The following PI4KB variants were observed in gnomAD, a reference collection of about 807,000 sequenced individuals.
The protein encoded by PI4KB is phosphatidylinositol 4-kinase beta, also known as PtdIns 4-kinase beta.
Under a neutral mutation model 81.4 loss-of-function variants are expected in PI4KB, and 23 were observed. The observed-to-expected ratio is 0.28, with a 90% CI of 0.20 to 0.40. PI4KB has a LOEUF of 0.40. Ranked by LOEUF, PI4KB falls within the 10% of genes least tolerant of loss-of-function variation. The probability of loss-of-function intolerance (pLI) is 1.00; values close to 1 mark genes in which losing one functional copy is unlikely to be tolerated. For missense variants in PI4KB, 651 were observed against 1,036.6 expected, an observed-to-expected ratio of 0.63 and a Z score of 5.11; for synonymous variants, 381 against 406.8, an observed-to-expected ratio of 0.94 and a Z score of 0.76.
rs768523761 is a variant in PI4KB at position 151,316,317 on chromosome 1, C to T, written c.165G>A (p.Val55=). 1 of 1,614,086 alleles carries T rather than the reference C, an allele frequency of 6.2e-7. No homozygotes were observed. The highest frequency in any genetic ancestry group is 2.2e-5 in the East Asian group (1 of 44,878). ...PEVAQKACQE[V]LEKVKLLHGG... ...CATGCAAAAGCTTGACTTTCTCCAA[C>T]ACCTCCTGGCAGGCCTTCTGGGCCA... The change falls in exon 2 of 12, where the codon GTG becomes GTA. Residue 55 remains valine (V), a synonymous_variant. Coordinates refer to ENST00000368873, the MANE Select transcript of PI4KB (RefSeq NM_001369623.2).
intron 1 of PI4KB, among the ~76,000 whole-genome samples, chr1:151,323,233 A>C (rs1173668849): frequency 1.3e-5 from 2 of 152,228 alleles, no homozygotes; most frequent in African/African-American, 4.8e-5. Context: ...GGCCAGGTGC[A>C]GTGGCTCATG....
chr1:151,311,497 T>C (rs909132745), intron 2 of PI4KB, among the ~76,000 whole-genome samples: 4 of 152,226 alleles, frequency 2.6e-5, no homozygotes, highest in Non-Finnish European at 5.9e-5. Flanking sequence ...TTTGGAAACA[T>C]GCCCCTAAGG....
rs192397644 is a variant in PI4KB, at chr1:151,296,988, G to A, written c.2015+1820C>T. 6.2e-3 allele frequency among the ~76,000 whole-genome samples: 937 copies of A among 152,094 alleles called. 13 individuals are homozygous for A. The highest frequency in any genetic ancestry group is 0.021 in the African/African-American group (891 of 41,502). ...TATGGGGTTTTGCCATGTTGGTCAG[G>A]CTGGTCTTGAACTACTGACCTCAGG... On this transcript the variant is annotated intron_variant, in intron 9 of 11. Coordinates refer to ENST00000368873, the MANE Select transcript of PI4KB (RefSeq NM_001369623.2).
At position 151,292,816 on chromosome 1, in the gene PI4KB, C is replaced by T; in HGVS notation, c.*36G>A. On this transcript the variant is annotated 3_prime_UTR_variant, in exon 12 of 12. Transcript: ENST00000368873. ...GACAAGGGCCCTCTAGGGAGGGTGC[C>T]CTGGACCCCCCACCACTCCTGGGCT... 1.3e-6 allele frequency: 2 copies of T among 1,599,978 alleles called. No individual in the cohort carries two copies. Among genetic ancestry groups the T allele is most frequent in the African/African-American group, 2.7e-5 (2 of 74,672 alleles).
intron 1 of PI4KB, chr1:151,325,005 T>TC: frequency 1.7e-6 from 1 of 589,024 alleles, no homozygotes; most frequent in Non-Finnish European, 2.1e-6. Flanking sequence ...TTTTTTTTTT[T>TC]TCCTGAGACA....
In PI4KB at chr1:151,303,530, T is replaced by C. The variant is rs1270423427; in HGVS notation, c.1520+11A>G. On this transcript the variant is annotated intron_variant, in intron 6 of 11. Coordinates refer to ENST00000368873, the MANE Select transcript of PI4KB (RefSeq NM_001369623.2). Reference sequence around the variant, plus strand: ...GGATGAAAAATGAGGGGCAATGTGATCTGGCCATACCGGATGTCCCCTGCT... The same window carrying C: ...GGATGAAAAATGAGGGGCAATGTGACCTGGCCATACCGGATGTCCCCTGCT... 2.6e-6 allele frequency: 4 copies of C among 1,535,812 alleles called. No homozygotes were observed. The highest frequency in any genetic ancestry group is 1.4e-5 in the African/African-American group (1 of 73,384).
intron 1 of PI4KB, 86 bp downstream of exon 1, chr1:151,327,185 G>A (rs1649746583): frequency 2.5e-6 from 1 of 394,148 alleles, no homozygotes; most frequent in Admixed American, 4.4e-5. Context: ...ACTCAGGTGG[G>A]GAAGACTGTG....
intron 1 of PI4KB, among the ~76,000 whole-genome samples, chr1:151,324,527 CAG>C (rs777167342): frequency 4.6e-5 from 7 of 152,136 alleles, no homozygotes; most frequent in Non-Finnish European, 8.8e-5. Context: ...CACAAGGGCC[CAG>C]AGAGTGTGGG....
intron 1 of PI4KB, among the ~76,000 whole-genome samples, chr1:151,325,581 G>A (rs1414270664): frequency 1.3e-5 from 2 of 152,150 alleles, no homozygotes; most frequent in Non-Finnish European, 2.9e-5. Context: ...GATCAAGTAC[G>A]TGAGGAACAG....
chr1:151,321,866 C>A, intron 1 of PI4KB, among the ~76,000 whole-genome samples: 1 of 126,226 alleles, frequency 7.9e-6, no homozygotes, highest in African/African-American at 3.0e-5. Context: ...GAGTGAGACT[C>A]TGTCTTAAAA....
chr1:151,314,052 T>C lies in PI4KB; in HGVS notation c.909+1521A>G, dbSNP rs146686510. ...GCCTGGCACATAAGTGCTGAATAAA[T>C]GTTAGCACTTTTAGCTTTACCATTA... On this transcript the variant is annotated intron_variant, in intron 2 of 11. Transcript: ENST00000368873. Among the ~76,000 whole-genome samples the C allele has an allele frequency of 4.8e-3, 736 of 152,382 alleles. 9 individuals carry two copies. Among genetic ancestry groups the C allele is most frequent in the African/African-American group, 0.017 (699 of 41,598 alleles).
intron 1 of PI4KB, among the ~76,000 whole-genome samples, chr1:151,318,972 T>TG (rs1337503701): frequency 4.6e-5 from 7 of 152,222 alleles, no homozygotes; most frequent in Admixed American, 6.5e-5. Context: ...TAACATATAA[T>TG]GGAAAGAGCT....
intron 4 of PI4KB, 120 bp downstream of exon 4, chr1:151,307,454 T>C (rs1695867605): frequency 6.1e-6 from 4 of 656,938 alleles, no homozygotes; most frequent in Non-Finnish European, 1.1e-5. Context: ...ATATGCATCA[T>C]GAACTATGAA....
chr1:151,306,652 G>T lies in PI4KB; in HGVS notation c.1183-289C>A, dbSNP rs746825287. Among the ~76,000 whole-genome samples the T allele has an allele frequency of 4.6e-5, 7 of 152,242 alleles. No homozygotes were observed. The South Asian group carries it at 1.4e-3, about 32-fold the overall frequency. Reference sequence around the variant, plus strand: ...CACTCTAGACTATCAATTACAGGCTGTAAGGGAGGCCTAGATGCCTCTGTG... The same window carrying T: ...CACTCTAGACTATCAATTACAGGCTTTAAGGGAGGCCTAGATGCCTCTGTG... On this transcript the variant is annotated intron_variant, in intron 4 of 11. Coordinates refer to ENST00000368873, the MANE Select transcript of PI4KB (RefSeq NM_001369623.2).
At chr1:151,320,911 C>T (rs1446054680) in intron 1 of PI4KB, among the ~76,000 whole-genome samples, 1 of 152,224 alleles carries the variant, frequency 6.6e-6, no homozygotes, top group Non-Finnish European at 1.5e-5. Flanking sequence ...TCAAAACTTT[C>T]AAGGGAAATA....
intron 10 of PI4KB, 54 bp from the exon 11 acceptor site, chr1:151,294,192 C>G: frequency 6.3e-7 from 1 of 1,576,840 alleles, no homozygotes; most frequent in African/African-American, 1.3e-5. Flanking sequence ...CGGGGATGGT[C>G]CCTGTCCTGA....
At chr1:151,298,586 GTCC>G in intron 9 of PI4KB, 2 of 590,706 alleles carry the variant, frequency 3.4e-6, no homozygotes, top group Middle Eastern at 4.6e-4. Context: ...CAAACCCTTA[GTCC>G]TCCCATAAAT....
At chr1:151,299,166 G>T in intron 8 of PI4KB, 93 bp from the exon 9 acceptor site, 2 of 1,151,620 alleles carry the variant, frequency 1.7e-6, no homozygotes, top group Non-Finnish European at 2.5e-6. Context: ...CTCTCTCCTT[G>T]GTAGCATTGA....
At position 151,296,306 on chromosome 1, in the gene PI4KB, ATT is replaced by A. The variant is rs1381066711; in HGVS notation, c.2016-1767_2016-1766del. Among the ~76,000 whole-genome samples, 5 of 152,214 alleles carry A rather than the reference ATT, an allele frequency of 3.3e-5. No individual in the cohort carries two copies. The East Asian group carries it at 9.6e-4, about 29-fold the overall frequency. ...GCTCTCAAATGCAGAGCCTGGGTCC[ATT>A]TGTAGGGCTGGCAGGGTGGAATGAG... On this transcript the variant is annotated intron_variant, in intron 9 of 11. Coordinates refer to ENST00000368873, the MANE Select transcript of PI4KB (RefSeq NM_001369623.2).
Sources: allele counts gnomAD v4.1 joint callset (sites outside exome capture counted in the v4.1 genomes callset), GRCh38; gene constraint gnomAD v4.1.1; transcripts MANE v1.5; gene names NCBI Gene and HGNC (gene_info 2026-07-23, HGNC 2026-07-21).